The following MACROD2 variants were observed in gnomAD, a reference collection of about 807,000 sequenced individuals.
MACROD2 encodes ADP-ribose glycohydrolase MACROD2.
MACROD2 carries 36 observed loss-of-function variants against 70.4 expected under a neutral mutation model. The ratio of observed to expected loss-of-function variants is 0.51; its 90% CI spans 0.39 to 0.68. The LOEUF (loss-of-function observed/expected upper bound fraction) is 0.68, where lower values mean the gene tolerates loss of function less well. MACROD2 is among the 30% of genes least tolerant of loss of function. The pLI is 0.00. For missense variants in MACROD2, 496 were observed against 538.4 expected (o/e 0.92, Z 0.78); for synonymous variants, 172 against 178.8 (o/e 0.96, Z 0.30).
chr20:15,537,666 G>T (rs2047895355), intron 8 of MACROD2, among the ~76,000 whole-genome samples: 1 of 151,874 alleles, frequency 6.6e-6, no homozygotes, highest in Non-Finnish European at 1.5e-5. Context: ...TAGAGACAGG[G>T]TTTCACCATG....
intron 13 of MACROD2, among the ~76,000 whole-genome samples, chr20:15,978,301 A>G (rs2066339913): frequency 2.6e-5 from 4 of 152,136 alleles, no homozygotes. Flanking sequence ...GCATTCCTGG[A>G]CCCTTATCTA....
intron 5 of MACROD2, among the ~76,000 whole-genome samples, chr20:15,040,027 T>A (rs776849197): frequency 5.9e-5 from 9 of 152,158 alleles, no homozygotes; most frequent in Non-Finnish European, 1.0e-4. Flanking sequence ...AAGTGTCCTC[T>A]TGGATGTGAA....
intron 8 of MACROD2, among the ~76,000 whole-genome samples, chr20:15,771,461 A>T (rs2051625583): frequency 6.6e-6 from 1 of 151,616 alleles, no homozygotes; most frequent in Admixed American, 6.6e-5. Context: ...ACGATTATGG[A>T]TGTGAACCAT....
At chr20:15,277,688 C>T (rs1187144648) in intron 6 of MACROD2, among the ~76,000 whole-genome samples, 1 of 152,096 alleles carries the variant, frequency 6.6e-6, no homozygotes, top group African/African-American at 2.4e-5. Context: ...AGATGAGAAG[C>T]AGTCTAGTAT....
chr20:15,501,506 T>C (rs762239704), intron 8 of MACROD2, among the ~76,000 whole-genome samples: 1 of 152,232 alleles, frequency 6.6e-6, no homozygotes, highest in Non-Finnish European at 1.5e-5. Flanking sequence ...CAGAAAGTTA[T>C]TTTCCATAGA....
At chr20:15,906,782 C>A (rs924676480) in intron 10 of MACROD2, among the ~76,000 whole-genome samples, 1 of 152,194 alleles carries the variant, frequency 6.6e-6, no homozygotes, top group Non-Finnish European at 1.5e-5. Flanking sequence ...TTTCTCATGG[C>A]TGGATTCAAG....
intron 8 of MACROD2, among the ~76,000 whole-genome samples, chr20:15,823,274 TC>T (rs2063959128): frequency 9.6e-6 from 1 of 104,082 alleles, no homozygotes; most frequent in African/African-American, 3.6e-5. Context: ...GGTGAGCTCT[TC>T]GTGTGTGTGT....
At chr20:14,682,616 C>T (rs904357533) in intron 4 of MACROD2, among the ~76,000 whole-genome samples, 4 of 151,910 alleles carry the variant, frequency 2.6e-5, no homozygotes, top group African/African-American at 9.7e-5. Flanking sequence ...CTCTGTTTAC[C>T]TATAGCTGGT....
intron 2 of MACROD2, among the ~76,000 whole-genome samples, chr20:14,062,332 T>C (rs2053700584): frequency 6.6e-6 from 1 of 152,180 alleles, no homozygotes; most frequent in Non-Finnish European, 1.5e-5. Context: ...GCAAAACACA[T>C]GGATCTAGCC....
At chr20:14,005,846 C>T (rs1437802577) in intron 2 of MACROD2, among the ~76,000 whole-genome samples, 5 of 152,064 alleles carry the variant, frequency 3.3e-5, no homozygotes, top group Non-Finnish European at 7.3e-5. Flanking sequence ...AGTGATCTGC[C>T]CATGTTGGCC....
chr20:14,204,178 A>G (rs186497541), intron 3 of MACROD2, among the ~76,000 whole-genome samples: 2 of 152,310 alleles, frequency 1.3e-5, no homozygotes, highest in East Asian at 3.9e-4. Flanking sequence ...CCTGGTGGGC[A>G]AGTAGCTCTC....
intron 3 of MACROD2, among the ~76,000 whole-genome samples, chr20:14,357,530 A>G (rs886429801): frequency 1.3e-5 from 2 of 152,230 alleles, no homozygotes; most frequent in African/African-American, 4.8e-5. Flanking sequence ...TCATATTTCT[A>G]GTAGCACTGA....
At chr20:15,104,158 A>C (rs2075893763) in intron 5 of MACROD2, among the ~76,000 whole-genome samples, 1 of 152,126 alleles carries the variant, frequency 6.6e-6, no homozygotes, top group African/African-American at 2.4e-5. Flanking sequence ...AGATGTGACA[A>C]GGTTTGATTT....
At chr20:14,296,609 G>A (rs566511440) in intron 3 of MACROD2, among the ~76,000 whole-genome samples, 11 of 152,070 alleles carry the variant, frequency 7.2e-5, no homozygotes, top group Admixed American at 2.0e-4. Flanking sequence ...TTAAAGTATA[G>A]CTTGAAGAGA....
chr20:14,228,552 A>G (rs1446103672), intron 3 of MACROD2, among the ~76,000 whole-genome samples: 1 of 152,142 alleles, frequency 6.6e-6, no homozygotes, highest in Non-Finnish European at 1.5e-5. Context: ...AAGGTTAGAA[A>G]AGACCTAAAT....
chr20:14,776,331 A>G (rs929058148), intron 5 of MACROD2, among the ~76,000 whole-genome samples: 5 of 152,056 alleles, frequency 3.3e-5, no homozygotes, highest in African/African-American at 1.2e-4. Context: ...GTAGTTTAAT[A>G]TGTTGAAACT....
rs58595091 is a variant in MACROD2 at position 15,907,846 on chromosome 20, G to T, written c.775+22035G>T. On this transcript the variant is annotated intron_variant, in intron 10 of 17. Coordinates refer to ENST00000684519, the MANE Select transcript of MACROD2 (RefSeq NM_001351661.2). ...GCTGTGTGCTCAGTTGCCTCTGTTT[G>T]TCTCTCTAGAACATTCTCTAGACTG... Among the ~76,000 whole-genome samples the T allele has an allele frequency of 7.6e-4, 115 of 152,310 alleles. 3 individuals carry two copies. In the East Asian group the frequency reaches 0.015, roughly 20 times the overall value.
chr20:14,720,644 C>T (rs1386446080), intron 5 of MACROD2, among the ~76,000 whole-genome samples: 2 of 143,114 alleles, frequency 1.4e-5, no homozygotes, highest in African/African-American at 5.2e-5. Context: ...ACCTCTGACT[C>T]CCTGGTTCAA....
At chr20:15,304,740 A>G (rs2077680286) in intron 6 of MACROD2, among the ~76,000 whole-genome samples, 1 of 151,870 alleles carries the variant, frequency 6.6e-6, no homozygotes, top group Non-Finnish European at 1.5e-5. Context: ...ATCTAAAAAA[A>G]AAAGTTTAAA....
Sources: gnomAD v4.1 joint callset for allele counts (sites outside exome capture counted in the v4.1 genomes callset) on GRCh38, gnomAD v4.1.1 for gene constraint, MANE v1.5 for transcripts, NCBI Gene and HGNC (gene_info 2026-07-23, HGNC 2026-07-21) for gene names.